The following MAP6 variants were observed in gnomAD, a reference collection of about 807,000 sequenced individuals.
The protein encoded by MAP6 is microtubule associated protein 6, also known as microtubule-associated protein 6.
Under a neutral mutation model 42.4 loss-of-function variants are expected in MAP6, and 26 were observed. That is an observed-to-expected ratio of 0.61 (90% confidence interval 0.45 to 0.85). MAP6 has a LOEUF of 0.85. Ranked by LOEUF, MAP6 falls within the 40% of genes least tolerant of loss-of-function variation. The probability of loss-of-function intolerance (pLI) is 0.00; values close to 1 mark genes in which losing one functional copy is unlikely to be tolerated. For synonymous variants in MAP6, 418 were observed against 443.8 expected, an observed-to-expected ratio of 0.94 and a Z score of 0.73; for missense variants, 966 against 1,099.0, an observed-to-expected ratio of 0.88 and a Z score of 1.71.
At chr11:75,611,713 T>C (rs1942900669) in intron 1 of MAP6, among the ~76,000 whole-genome samples, 1 of 152,234 alleles carries the variant, frequency 6.6e-6, no homozygotes, top group Non-Finnish European at 1.5e-5. Context: ...TATTACGTCA[T>C]AGAAAGAAAA....
chr11:75,647,347 C>CAAAAAAAAAAAAAAAAAAAAAACCAAAA, intron 1 of MAP6, among the ~76,000 whole-genome samples: 1 of 44,186 alleles, frequency 2.3e-5, no homozygotes, highest in Admixed American at 2.9e-4. Context: ...CCCACCTGAT[C>CAAAAAAAAAAAAAAAAAAAAAACCAAAA]AAAAAAAAAA....
chr11:75,617,778 T>G (rs1232295720), intron 1 of MAP6, among the ~76,000 whole-genome samples: 1 of 152,092 alleles, frequency 6.6e-6, no homozygotes, highest in African/African-American at 2.4e-5. Context: ...AACTTCCCCA[T>G]AACCATTTCC....
At chr11:75,618,423 A>C (rs2135606756) in intron 1 of MAP6, among the ~76,000 whole-genome samples, 1 of 152,242 alleles carries the variant, frequency 6.6e-6, no homozygotes, top group African/African-American at 2.4e-5. Context: ...CCTGACCAAC[A>C]TGGTGAAACC....
intron 3 of MAP6, among the ~76,000 whole-genome samples, chr11:75,589,111 C>T (rs897233275): frequency 6.6e-6 from 1 of 152,198 alleles, no homozygotes; most frequent in Non-Finnish European, 1.5e-5. Context: ...ACTCCATTCC[C>T]ACTTCTGGCT....
intron 1 of MAP6, among the ~76,000 whole-genome samples, chr11:75,627,086 A>G (rs1943210280): frequency 6.6e-6 from 1 of 152,240 alleles, no homozygotes; most frequent in Non-Finnish European, 1.5e-5. Context: ...ACTGTGTATA[A>G]CCTAGGAAAT....
intron 1 of MAP6, among the ~76,000 whole-genome samples, chr11:75,634,637 G>A (rs1392829280): frequency 2.0e-5 from 3 of 152,146 alleles, no homozygotes; most frequent in Non-Finnish European, 2.9e-5. Flanking sequence ...CCAAAGGATG[G>A]CAAAAGCAAA....
At chr11:75,619,453 C>A (rs57234319) in intron 1 of MAP6, among the ~76,000 whole-genome samples, 2,714 of 152,156 alleles carry the variant, frequency 0.018, 86 homozygotes, top group African/African-American at 0.063. Context: ...TTTCATCACC[C>A]ACGTATTAAG....
intron 1 of MAP6, among the ~76,000 whole-genome samples, chr11:75,622,783 A>G (rs565304960): frequency 6.6e-6 from 1 of 152,368 alleles, no homozygotes; most frequent in South Asian, 2.1e-4. Context: ...GGATAGACAT[A>G]TAGATCTATG....
Position 75,603,658 on chromosome 11 carries a change from A to C in MAP6, c.1316+2150T>G, listed in dbSNP as rs745403304. ...TCAAACTGCGATTTGGGCAACACCA[A>C]CTTGACTTGGTCATAGGGATCAAGT... On this transcript the variant is annotated intron_variant, in intron 3 of 3. Coordinates refer to ENST00000304771, the MANE Select transcript of MAP6 (RefSeq NM_033063.2). The C allele has an allele frequency of 1.8e-3, 1,735 of 985,206 alleles. 2 individuals are homozygous for C. The highest frequency in any genetic ancestry group is 2.0e-3 in the Non-Finnish European group (1,632 of 829,892). The allele number at this position is 985,206 out of a possible 1,614,324, so 61.0% of individuals were successfully genotyped here. A position where few individuals can be genotyped will look rare whatever the true frequency, so the allele number is the denominator to read the frequency against.
At chr11:75,637,882 A>G (rs543081669) in intron 1 of MAP6, among the ~76,000 whole-genome samples, 3 of 113,880 alleles carry the variant, frequency 2.6e-5, no homozygotes, top group South Asian at 3.5e-4. Context: ...GAAGGAAGGA[A>G]GGACTGAGGG....
At chr11:75,629,981 A>G (rs1365241340) in intron 1 of MAP6, among the ~76,000 whole-genome samples, 1 of 152,228 alleles carries the variant, frequency 6.6e-6, no homozygotes, top group Non-Finnish European at 1.5e-5. Context: ...AGCAAAGACA[A>G]GGCTAGGACC....
chr11:75,610,847 TG>T (rs1034407698), intron 1 of MAP6, among the ~76,000 whole-genome samples: 1 of 151,842 alleles, frequency 6.6e-6, no homozygotes, highest in East Asian at 1.9e-4. Flanking sequence ...GGACTCTGGC[TG>T]GGGGGCGGTA....
chr11:75,632,022 T>A lies in MAP6; in HGVS notation c.906-23700A>T, dbSNP rs1342170957. Among the ~76,000 whole-genome samples the A allele has an allele frequency of 5.3e-5, 8 of 152,004 alleles. No individual in the cohort carries two copies. The East Asian group carries it at 1.2e-3, about 22-fold the overall frequency. On this transcript the variant is annotated intron_variant, in intron 1 of 3. Coordinates refer to ENST00000304771, the MANE Select transcript of MAP6 (RefSeq NM_033063.2). ...ATCCATCAATTTAATCAACGGAGAG[T>A]GTAAAATTATAGGAGTCTCTTTTGA...
rs1227308338 is a variant in MAP6 at position 75,668,092 on chromosome 11, C to T, written c.278G>A (p.Arg93His). ...TGPAPGPTGE[R>H]EPAAGPGRSG... ...CCGGCCGGGGCCCGCCGCCGGCTCG[C>T]GCTCGCCGGTAGGCCCAGGCGCTGG... is the stretch of plus-strand genomic sequence containing the variant. The change falls in exon 1 of 4, where the codon CGC becomes CAC. Residue 93 changes from arginine (R) to histidine (H), a missense_variant. Coordinates refer to ENST00000304771, the MANE Select transcript of MAP6 (RefSeq NM_033063.2). The T allele has an allele frequency of 1.1e-5, 13 of 1,201,874 alleles. No homozygotes were observed. Among genetic ancestry groups the T allele is most frequent in the Admixed American group, 4.5e-5 (1 of 22,414 alleles). The allele number at this position is 1,201,874 out of a possible 1,614,324, so 74.5% of individuals were successfully genotyped here.
At chr11:75,662,307 T>G (rs994115383) in intron 1 of MAP6, among the ~76,000 whole-genome samples, 1 of 152,194 alleles carries the variant, frequency 6.6e-6, no homozygotes, top group Non-Finnish European at 1.5e-5. Context: ...ATTAACAATT[T>G]AAATACAGAA....
chr11:75,607,098 T>C, intron 2 of MAP6: 2 of 408,272 alleles, frequency 4.9e-6, no homozygotes, highest in Non-Finnish European at 6.6e-6. Context: ...TCCTGACCTG[T>C]AAGGAAAGGA....
chr11:75,610,710 G>T (rs1378630119), intron 1 of MAP6, among the ~76,000 whole-genome samples: 2 of 152,164 alleles, frequency 1.3e-5, no homozygotes, highest in Non-Finnish European at 2.9e-5. Flanking sequence ...AAGAGGCCAG[G>T]CAGGAGACTG....
intron 1 of MAP6, among the ~76,000 whole-genome samples, chr11:75,656,130 A>G (rs912700450): frequency 6.6e-6 from 1 of 152,212 alleles, no homozygotes; most frequent in African/African-American, 2.4e-5. Context: ...CTTAAGGGCT[A>G]GGAGGCTTGC....
At chr11:75,614,983 A>G (rs1942972974) in intron 1 of MAP6, among the ~76,000 whole-genome samples, 1 of 152,236 alleles carries the variant, frequency 6.6e-6, no homozygotes, top group African/African-American at 2.4e-5. Context: ...CTTCTTTAGA[A>G]GGTAGCAAAA....
Sources: allele counts gnomAD v4.1 joint callset (sites outside exome capture counted in the v4.1 genomes callset), GRCh38; gene constraint gnomAD v4.1.1; transcripts MANE v1.5; gene names NCBI Gene and HGNC (gene_info 2026-07-23, HGNC 2026-07-21).